LDB2: variants seen among roughly 807,000 people sequenced by gnomAD.
LDB2 encodes LIM domain binding 2, also known as LIM domain-binding protein 2.
A neutral mutation model predicts 44.3 loss-of-function variants in LDB2; 12 were observed. That is an observed-to-expected ratio of 0.27 (90% CI 0.17 to 0.44). The LOEUF (loss-of-function observed/expected upper bound fraction) is 0.44. LDB2 is among the 20% of genes least tolerant of loss of function. The pLI is 1.00. For synonymous variants in LDB2, 164 were observed against 174.8 expected (o/e 0.94, Z 0.49); for missense variants, 344 against 473.5 (o/e 0.73, Z 2.54).
chr4:16,683,343 C>A (rs777421054), intron 2 of LDB2, among the ~76,000 whole-genome samples: 2 of 152,176 alleles, frequency 1.3e-5, no homozygotes, highest in Non-Finnish European at 2.9e-5. Context: ...TTCACATAGT[C>A]TAAAAATGTA....
intron 2 of LDB2, among the ~76,000 whole-genome samples, chr4:16,630,646 A>G (rs1731666905): frequency 6.6e-6 from 1 of 152,208 alleles, no homozygotes; most frequent in Non-Finnish European, 1.5e-5. Flanking sequence ...AGACTGGCAA[A>G]TTGGATAAAG....
intron 1 of LDB2, among the ~76,000 whole-genome samples, chr4:16,840,589 G>C (rs1785704915): frequency 6.6e-6 from 1 of 152,202 alleles, no homozygotes; most frequent in Admixed American, 6.5e-5. Context: ...TGACAGGACA[G>C]CTCAGTGGTT....
intron 1 of LDB2, among the ~76,000 whole-genome samples, chr4:16,765,643 C>A (rs925427482): frequency 4.0e-4 from 61 of 152,192 alleles, no homozygotes; most frequent in African/African-American, 1.4e-3. Flanking sequence ...GAAAAATGGA[C>A]TAAACAGATG....
chr4:16,505,780 G>A (rs1719183357), intron 7 of LDB2: 2 of 1,468,054 alleles, frequency 1.4e-6, no homozygotes, highest in South Asian at 1.4e-5. Flanking sequence ...GCCCGGAGGT[G>A]CCACCAGCTC....
At chr4:16,589,322 C>T (rs1321466803) in intron 3 of LDB2, among the ~76,000 whole-genome samples, 1 of 152,118 alleles carries the variant, frequency 6.6e-6, no homozygotes, top group Non-Finnish European at 1.5e-5. Context: ...AAACGAAATT[C>T]CGGAGGGCAA....
chr4:16,592,394 C>G (rs1170847458), intron 3 of LDB2, among the ~76,000 whole-genome samples: 3 of 150,434 alleles, frequency 2.0e-5, no homozygotes, highest in Middle Eastern at 3.4e-3. Flanking sequence ...TAGATTAACA[C>G]TTGTGCAAAG....
At chr4:16,792,398 A>C (rs1354651730) in intron 1 of LDB2, among the ~76,000 whole-genome samples, 1 of 152,196 alleles carries the variant, frequency 6.6e-6, no homozygotes, top group Non-Finnish European at 1.5e-5. Flanking sequence ...CTGTGCTTTA[A>C]ATTTGATCTG....
At chr4:16,771,595 T>C (rs1049857756) in intron 1 of LDB2, among the ~76,000 whole-genome samples, 1 of 152,202 alleles carries the variant, frequency 6.6e-6, no homozygotes, top group Admixed American at 6.5e-5. Flanking sequence ...ATCTCCATAA[T>C]ATAATTCCAG....
At chr4:16,838,362 A>C (rs1051208343) in intron 1 of LDB2, among the ~76,000 whole-genome samples, 2 of 152,184 alleles carry the variant, frequency 1.3e-5, no homozygotes, top group Non-Finnish European at 2.9e-5. Flanking sequence ...ATCCCTCGGC[A>C]TGTGACTATG....
intron 1 of LDB2, among the ~76,000 whole-genome samples, chr4:16,895,628 G>A (rs1724767842): frequency 6.6e-6 from 1 of 152,022 alleles, no homozygotes; most frequent in African/African-American, 2.4e-5. Flanking sequence ...AAGAGAGAGA[G>A]GAAGAGAGAG....
At chr4:16,857,480 C>T (rs149712421) in intron 1 of LDB2, among the ~76,000 whole-genome samples, 5 of 152,330 alleles carry the variant, frequency 3.3e-5, no homozygotes, top group African/African-American at 7.2e-5. Context: ...AAAAGCTCAA[C>T]TCAGAAGCCT....
intron 2 of LDB2, among the ~76,000 whole-genome samples, chr4:16,657,954 T>C (rs1483021659): frequency 2.6e-5 from 4 of 152,250 alleles, no homozygotes; most frequent in Non-Finnish European, 4.4e-5. Flanking sequence ...GTGTGTGTTC[T>C]GTTCTCCAAA....
chr4:16,806,486 C>G (rs1375648164), intron 1 of LDB2, among the ~76,000 whole-genome samples: 1 of 152,208 alleles, frequency 6.6e-6, no homozygotes, highest in Non-Finnish European at 1.5e-5. Flanking sequence ...CTGAAAGGGA[C>G]AAGTGGACAC....
At chr4:16,765,314 T>G (rs531185915) in intron 1 of LDB2, among the ~76,000 whole-genome samples, 147 of 152,334 alleles carry the variant, frequency 9.6e-4, no homozygotes, top group African/African-American at 3.4e-3. Flanking sequence ...GCAGCTCACG[T>G]GTCAGGGTTA....
rs116448206 is a variant in LDB2, at chr4:16,567,348, G to A, written c.615+18574C>T. Among the ~76,000 whole-genome samples, 297 of 152,096 alleles carry A rather than the reference G, an allele frequency of 2.0e-3. 1 individual carries two copies. The highest frequency in any genetic ancestry group is 6.5e-3 in the African/African-American group (271 of 41,492). On this transcript the variant is annotated intron_variant, in intron 5 of 7. Transcript: ENST00000304523. The stretch of plus-strand genomic sequence containing the variant: ...TTATAAAGAATGCCACTGCTCAACG[G>A]TTAGCACTGCAGACATAGAGTGTGT...
chr4:16,852,539 A>G (rs1249368857), intron 1 of LDB2, among the ~76,000 whole-genome samples: 1 of 152,218 alleles, frequency 6.6e-6, no homozygotes, highest in Non-Finnish European at 1.5e-5. Context: ...TACCAATTAC[A>G]TATTCCATTG....
At chr4:16,619,804 T>C (rs1728362418) in intron 2 of LDB2, among the ~76,000 whole-genome samples, 1 of 152,006 alleles carries the variant, frequency 6.6e-6, no homozygotes. Flanking sequence ...CTGTTTTTTT[T>C]TTTTTTTCTC....
chr4:16,659,143 T>C (rs1250406754), intron 2 of LDB2, among the ~76,000 whole-genome samples: 1 of 152,230 alleles, frequency 6.6e-6, no homozygotes, highest in Non-Finnish European at 1.5e-5. Context: ...ACGAAGGTTC[T>C]GCTCCACTTT....
intron 2 of LDB2, among the ~76,000 whole-genome samples, chr4:16,748,387 A>G (rs1408545347): frequency 2.6e-5 from 4 of 152,180 alleles, no homozygotes; most frequent in African/African-American, 9.6e-5. Flanking sequence ...ACATGAAGGC[A>G]CCCAGTTCTG....
Sources: gnomAD v4.1 joint callset for allele counts (sites outside exome capture counted in the v4.1 genomes callset) on GRCh38, gnomAD v4.1.1 for gene constraint, MANE v1.5 for transcripts, NCBI Gene and HGNC (gene_info 2026-07-23, HGNC 2026-07-21) for gene names.